The following MRGPRF variants were observed in gnomAD, a reference collection of about 807,000 sequenced individuals.
MRGPRF encodes the protein mas-related G protein-coupled receptor member F.
In MRGPRF, 2 loss-of-function variants were observed where a neutral mutation model predicts 3.3. That is an observed-to-expected ratio of 0.61 (90% CI 0.25 to 1.92). MRGPRF has a LOEUF of 1.92. Among genes scored for constraint, MRGPRF ranks in the 40% most tolerant of loss-of-function variants. The pLI is 0.16. For missense variants in MRGPRF, 500 were observed against 476.0 expected (o/e 1.05, Z -0.47); for synonymous variants, 242 against 222.7 (o/e 1.09, Z -0.77).
rs1860439339 is a variant in MRGPRF at position 69,005,043 on chromosome 11, C to T, written c.*235G>A. On this transcript the variant is annotated 3_prime_UTR_variant, in exon 3 of 3. Transcript: ENST00000309099. The stretch of plus-strand genomic sequence containing the variant: ...GGGGCAACTTCTGTACAAGAGGTCT[C>T]TAGGGGAGCAGAATGGGTGGGGGAG... 6 of 557,384 alleles carry T rather than the reference C, an allele frequency of 1.1e-5. No individual in the cohort carries two copies. In the South Asian group the frequency reaches 1.6e-4, roughly 15 times the overall value. The allele number at this position is 557,384 out of a possible 1,614,324, so 34.5% of individuals were successfully genotyped here.
intron 2 of MRGPRF, 116 bp from the exon 3 acceptor site, chr11:69,006,377 AG>A: frequency 2.5e-6 from 3 of 1,202,676 alleles, no homozygotes; most frequent in East Asian, 5.2e-5. Flanking sequence ...TGGGGCAGGG[AG>A]GGGGTCTGTA....
intron 2 of MRGPRF, 139 bp downstream of exon 2, chr11:69,009,715 G>A (rs11228437): frequency 1.0e-6 from 1 of 994,246 alleles, no homozygotes; most frequent in Non-Finnish European, 1.6e-6. Context: ...GCCCAGAGGA[G>A]CCCACTGCCC....
At chr11:69,006,534 C>T (rs989031216) in intron 2 of MRGPRF, among the ~76,000 whole-genome samples, 2 of 152,082 alleles carry the variant, frequency 1.3e-5, no homozygotes, top group South Asian at 4.2e-4. Context: ...CAGACAGTGC[C>T]CAGGAAGGGT....
chr11:69,006,898 G>A (rs553654586), intron 2 of MRGPRF, among the ~76,000 whole-genome samples: 1 of 152,310 alleles, frequency 6.6e-6, no homozygotes, highest in South Asian at 2.1e-4. Flanking sequence ...GATTATAGAC[G>A]TGAGTCACTG....
At position 69,005,464 on chromosome 11, in the gene MRGPRF, G is replaced by A. The variant is rs1476431380; in HGVS notation, c.846C>T (p.Ile282=). 2 of 1,587,978 alleles carry A rather than the reference G, an allele frequency of 1.3e-6. No homozygotes were observed. The highest frequency in any genetic ancestry group is 1.8e-5 in the Admixed American group (1 of 56,224). The part of the protein sequence containing the change: ...PEYVTDLCIC[I]NSSAKPIVYF... ...AGACGATGGGCTTGGCGCTGCTGTT[G>A]ATGCAGATGCACAGGTCAGTGACGT... is the stretch of plus-strand genomic sequence containing the variant. Residue 282 remains isoleucine (I), a synonymous_variant, in exon 3 of 3, where the codon ATC becomes ATT. Coordinates refer to ENST00000309099, the MANE Select transcript of MRGPRF (RefSeq NM_145015.5).
At chr11:69,006,619 CTTTTTTTTTTTT>C (rs11326908) in intron 2 of MRGPRF, among the ~76,000 whole-genome samples, 2 of 107,936 alleles carry the variant, frequency 1.9e-5, no homozygotes, top group Non-Finnish European at 3.5e-5. Flanking sequence ...GAGCCTTTCC[CTTTTTTTTTTTT>C]TTTTTTTTTG....
rs750230366 is a variant in MRGPRF at position 69,009,887 on chromosome 11, G to A, written c.15C>T (p.Cys5=). Residue 5 remains cysteine, a synonymous_variant, in exon 2 of 3, where the codon TGC becomes TGT. Coordinates refer to ENST00000309099, the MANE Select transcript of MRGPRF (RefSeq NM_145015.5). ...TGTTGCCGGGATGGGCCTCCCAGGA[G>A]CAGTTTCCAGCCATCTCCAGGCCTG... MAGN[C]SWEAHPGNRN... 2.5e-6 allele frequency: 4 copies of A among 1,608,428 alleles called. No homozygotes were observed. Among genetic ancestry groups the A allele is most frequent in the Middle Eastern group, 2.1e-4 (1 of 4,872 alleles).
Position 69,009,893 on chromosome 11 carries a change from T to C in MRGPRF, c.9A>G (p.Gly3=). Residue 3 remains glycine (G), a synonymous_variant, in exon 2 of 3, where the codon GGA becomes GGG. Transcript: ENST00000309099. MA[G]NCSWEAHPGN... ...CGGGATGGGCCTCCCAGGAGCAGTT[T>C]CCAGCCATCTCCAGGCCTGGCGCGT... The C allele has an allele frequency of 6.2e-7, 1 of 1,607,092 alleles. No individual in the cohort carries two copies. The highest frequency in any genetic ancestry group is 8.5e-7 in the Non-Finnish European group (1 of 1,179,010).
chr11:69,010,051 C>T (rs1427638822), intron 1 of MRGPRF, 94 bp from the exon 2 acceptor site: 1 of 736,466 alleles, frequency 1.4e-6, no homozygotes, highest in South Asian at 1.8e-5. Flanking sequence ...CTGTGGCTCT[C>T]AGCCATCACC....
intron 2 of MRGPRF, among the ~76,000 whole-genome samples, chr11:69,008,308 A>G (rs1351888888): frequency 6.6e-6 from 1 of 151,488 alleles, no homozygotes; most frequent in Non-Finnish European, 1.5e-5. Context: ...GAGAACAGTC[A>G]CTCCTCTTCC....
chr11:69,006,265 C>T lies in MRGPRF; in HGVS notation c.49-4G>A, dbSNP rs1053612226. 11 of 1,600,396 alleles carry T rather than the reference C, an allele frequency of 6.9e-6. No homozygotes were observed. On this transcript the variant is annotated splice_region_variant and splice_polypyrimidine_tract_variant and intron_variant, in intron 2 of 2. Coordinates refer to ENST00000309099, the MANE Select transcript of MRGPRF (RefSeq NM_145015.5). The stretch of plus-strand genomic sequence containing the variant: ...CCTCGCTCAGGCCAGGGCACATCTG[C>T]GCAGGTGCAGAGAGGGACACCTGTG...
In MRGPRF at chr11:69,006,175, G is replaced by A. The variant is rs1276438807; in HGVS notation, c.135C>T (p.Ala45=). ...IEQIAMLPPP[A]VMNYIFLLLC... ...GGAGCAGGAAGATGTAGTTCATGACGGCCGGAGGCGGCAGCATCGCGATCT... is the reference window on the plus strand; with the variant it reads ...GGAGCAGGAAGATGTAGTTCATGACAGCCGGAGGCGGCAGCATCGCGATCT... Residue 45 remains alanine (A), a synonymous_variant, in exon 3 of 3, where the codon GCC becomes GCT. Coordinates refer to ENST00000309099, the MANE Select transcript of MRGPRF (RefSeq NM_145015.5). 15 of 1,613,964 alleles carry A rather than the reference G, an allele frequency of 9.3e-6. No homozygotes were observed. The highest frequency in any genetic ancestry group is 1.0e-5 in the Non-Finnish European group (12 of 1,180,036).
chr11:69,005,432 A>C lies in MRGPRF; in HGVS notation c.878T>G (p.Leu293Arg). 6.3e-7 allele frequency: 1 copy of C among 1,589,864 alleles called. No homozygotes were observed. ...CCGCTGCGACTTGTCCCTCCCGGCCAGGAAGTAGACGATGGGCTTGGCGCT... is the reference window on the plus strand; with the variant it reads ...CCGCTGCGACTTGTCCCTCCCGGCCCGGAAGTAGACGATGGGCTTGGCGCT... ...NSSAKPIVYF[L>R]AGRDKSQRLW... is the part of the protein sequence containing the mutation. The change falls in exon 3 of 3, where the codon CTG (leucine) becomes CGG (arginine). Residue 293 changes from leucine (L) to arginine (R), a missense_variant. Transcript: ENST00000309099.
chr11:69,006,049 G>A lies in MRGPRF; in HGVS notation c.261C>T (p.Ser87=), dbSNP rs774832812. 6.9e-6 allele frequency: 11 copies of A among 1,588,912 alleles called. No individual in the cohort carries two copies. The highest frequency in any genetic ancestry group is 2.3e-5 in the East Asian group (1 of 43,610). The change falls in exon 3 of 3, where the codon AGC becomes AGT. Residue 87 remains serine (S), a synonymous_variant. Coordinates refer to ENST00000309099, the MANE Select transcript of MRGPRF (RefSeq NM_145015.5). ...TGCTGAAGAGGTAGCCCACATCGGC[G>A]CTGGCCAGGTGCAGGAAGTAGATGG... ...PFSIYFLHLA[S]ADVGYLFSKA... is the part of the protein sequence containing the mutation.
intron 2 of MRGPRF, among the ~76,000 whole-genome samples, chr11:69,008,856 T>C (rs1377606153): frequency 1.3e-5 from 2 of 152,178 alleles, no homozygotes; most frequent in East Asian, 1.9e-4. Context: ...GTGCCTCTTG[T>C]ATGCATGCAC....
At chr11:69,009,121 C>T (rs1172351402) in intron 2 of MRGPRF, among the ~76,000 whole-genome samples, 1 of 152,190 alleles carries the variant, frequency 6.6e-6, no homozygotes, top group Non-Finnish European at 1.5e-5. Flanking sequence ...GGCCCAAGGC[C>T]CAAGGGCGTG....
At position 69,006,231 on chromosome 11, in the gene MRGPRF, G is replaced by C. The variant is rs753980391; in HGVS notation, c.79C>G (p.Leu27Val). The C allele has an allele frequency of 4.3e-6, 7 of 1,612,924 alleles. No individual in the cohort carries two copies. The South Asian group carries it at 6.6e-5, about 15-fold the overall frequency. The change falls in exon 3 of 3, where the codon CTC (leucine) becomes GTC (valine). Residue 27 changes from leucine to valine, a missense_variant. Coordinates refer to ENST00000309099, the MANE Select transcript of MRGPRF (RefSeq NM_145015.5). ...MCPGLSEAPE[L>V]YSRGFLTIEQ... ...ATGGTCAGGAAGCCCCGGCTGTAGA[G>C]TTCCGGGGCCTCGCTCAGGCCAGGG...
Position 69,010,060 on chromosome 11 carries a change from C to T in MRGPRF, c.-56-103G>A. 4 of 702,834 alleles carry T rather than the reference C, an allele frequency of 5.7e-6. 1 individual carries two copies. The South Asian group carries it at 7.5e-5, about 13-fold the overall frequency. The allele number at this position is 702,834 out of a possible 1,614,324, so 43.5% of individuals were successfully genotyped here. ...CAAGGCCTGTGGCTCTCAGCCATCA[C>T]CTTAGAGGAAAGGCAATCACCCCAC... On this transcript the variant is annotated intron_variant, in intron 1 of 2. Transcript: ENST00000309099.
At position 69,005,557 on chromosome 11, in the gene MRGPRF, G is replaced by A. The variant is rs1319133653; in HGVS notation, c.753C>T (p.Ser251=). The change falls in exon 3 of 3, where the codon TCC becomes TCT. Residue 251 remains serine (S), a synonymous_variant. Coordinates refer to ENST00000309099, the MANE Select transcript of MRGPRF (RefSeq NM_145015.5). ...ACCAGTCGATCCCTAAGTAGATGGA[G>A]GACACCAGGAAGACGGAGACCATGG... ...ILAMVSVFLV[S]SIYLGIDWFL... is the part of the protein sequence containing the mutation. 1 of 1,586,686 alleles carries A rather than the reference G, an allele frequency of 6.3e-7. No homozygotes were observed. The highest frequency in any genetic ancestry group is 8.6e-7 in the Non-Finnish European group (1 of 1,166,904).
Sources: allele counts gnomAD v4.1 joint callset (sites outside exome capture counted in the v4.1 genomes callset), GRCh38; gene constraint gnomAD v4.1.1; transcripts MANE v1.5; gene names NCBI Gene and HGNC (gene_info 2026-07-23, HGNC 2026-07-21).